The following COL18A1 variants were observed in gnomAD, a reference collection of about 807,000 sequenced individuals.
The protein encoded by COL18A1 is collagen alpha-1(XVIII) chain.
In COL18A1, 133 loss-of-function variants were observed where a neutral mutation model predicts 168.0. The observed-to-expected ratio is 0.79, with a 90% CI of 0.69 to 0.91. COL18A1 has a LOEUF of 0.91. Among genes scored for constraint, COL18A1 ranks in the 40% least tolerant of loss-of-function variants. COL18A1 has a pLI of 0.00. For synonymous variants in COL18A1, 949 were observed against 809.0 expected, an observed-to-expected ratio of 1.17 and a Z score of -2.94; for missense variants, 2,126 against 1,925.4, an observed-to-expected ratio of 1.10 and a Z score of -1.95.
intron 2 of COL18A1, among the ~76,000 whole-genome samples, chr21:45,416,518 T>A (rs1225479266): frequency 6.6e-6 from 1 of 152,146 alleles, no homozygotes; most frequent in Non-Finnish European, 1.5e-5. Context: ...CTGAGGACAG[T>A]GTGCTCTCCT....
intron 2 of COL18A1, chr21:45,421,725 C>A: frequency 7.1e-6 from 3 of 420,472 alleles, no homozygotes. Context: ...GCACAGAGAC[C>A]CTCATTCCTG....
intron 2 of COL18A1, among the ~76,000 whole-genome samples, chr21:45,416,221 G>A (rs1296619823): frequency 6.6e-6 from 1 of 152,178 alleles, no homozygotes; most frequent in Non-Finnish European, 1.5e-5. Context: ...GACCTTCTCT[G>A]AGGTCCATCT....
In COL18A1 at chr21:45,487,089, T is replaced by C. The variant is rs534450547; in HGVS notation, c.1833+97T>C. On this transcript the variant is annotated intron_variant, in intron 16 of 41. Coordinates refer to ENST00000651438, the MANE Select transcript of COL18A1 (RefSeq NM_001379500.1). ...ATCTCACTCACAGAGCAGCACGTCCTGGGCGGTGGCCTTGCTGGCACTGCC... is the reference window on the plus strand; with the variant it reads ...ATCTCACTCACAGAGCAGCACGTCCCGGGCGGTGGCCTTGCTGGCACTGCC... The C allele has an allele frequency of 4.2e-4, 515 of 1,235,410 alleles. 1 individual carries two copies. In the African/African-American group the frequency reaches 7.0e-3, roughly 17 times the overall value. The allele number at this position is 1,235,410 out of a possible 1,614,324, so 76.5% of individuals were successfully genotyped here.
chr21:45,512,082 T>G (rs912885661), intron 41 of COL18A1, 106 bp from the exon 42 acceptor site: 111 of 1,250,732 alleles, frequency 8.9e-5, no homozygotes, highest in Non-Finnish European at 1.2e-4. Flanking sequence ...AGCCCCCTGG[T>G]AACCCCAGGG....
At chr21:45,452,588 TGTG>T (rs986803835) in intron 2 of COL18A1, among the ~76,000 whole-genome samples, 10 of 151,278 alleles carry the variant, frequency 6.6e-5, no homozygotes, top group African/African-American at 1.5e-4. Context: ...TGTATGTACA[TGTG>T]GGGGCTTGTG....
chr21:45,464,559 G>C (rs963634092), intron 2 of COL18A1, among the ~76,000 whole-genome samples: 3 of 152,188 alleles, frequency 2.0e-5, no homozygotes, highest in African/African-American at 7.2e-5. Flanking sequence ...AACCAACACA[G>C]CTGTCTTACC....
Position 45,473,803 on chromosome 21 carries a change from G to A in COL18A1, c.652-92G>A. ...CCTCTCCGAGACTCTCCTGCCCTTT[G>A]TGGGCCCCCCGAAATCTGGAGCTCA... is the stretch of plus-strand genomic sequence containing the variant. On this transcript the variant is annotated intron_variant, in intron 3 of 41. Transcript: ENST00000651438. The surrounding 1 kb of genome is among the most constrained non-coding windows in gnomAD (Gnocchi z 4.0). 9.3e-7 allele frequency: 1 copy of A among 1,080,246 alleles called. No individual in the cohort carries two copies. The highest frequency in any genetic ancestry group is 1.4e-6 in the Non-Finnish European group (1 of 723,800). The allele number at this position is 1,080,246 out of a possible 1,614,324, so 66.9% of individuals were successfully genotyped here.
chr21:45,473,766 C>G lies in COL18A1; in HGVS notation c.652-129C>G, dbSNP rs1449096475. On this transcript the variant is annotated intron_variant, in intron 3 of 41. Transcript: ENST00000651438. The surrounding 1 kb of genome is among the most constrained non-coding windows in gnomAD (Gnocchi z 4.0). ...ATACCGCACCCCCAGGGAGGCTGCC[C>G]GAGACCCCTTCCCTCTCCGAGACTC... 5 of 793,192 alleles carry G rather than the reference C, an allele frequency of 6.3e-6. No individual in the cohort carries two copies. Among genetic ancestry groups the G allele is most frequent in the Middle Eastern group, 3.4e-4 (1 of 2,944 alleles). 49.1% of individuals were successfully genotyped at this position (793,192 alleles called of 1,614,324 possible).
rs541536636 is a variant in COL18A1, at chr21:45,491,123, C to G, written c.2068-102C>G. On this transcript the variant is annotated intron_variant, in intron 21 of 41. Transcript: ENST00000651438. ...GTCCACAGCCCCGGGCGCCTCCTCA[C>G]CCACCGTGGGCTCTGGGCACCCCCT... The G allele has an allele frequency of 2.8e-4, 304 of 1,094,814 alleles. 2 individuals are homozygous for G. The African/African-American group carries it at 3.9e-3, about 14-fold the overall frequency. 67.8% of individuals were successfully genotyped at this position (1,094,814 alleles called of 1,614,324 possible). A position where few individuals can be genotyped will look rare whatever the true frequency, so the allele number is the denominator to read the frequency against.
intron 2 of COL18A1, among the ~76,000 whole-genome samples, chr21:45,436,020 G>A (rs901440771): frequency 6.6e-6 from 1 of 152,200 alleles, no homozygotes; most frequent in Non-Finnish European, 1.5e-5. Context: ...CACTGCAGTC[G>A]GCAAGGGGGA....
chr21:45,489,462 C>G, intron 18 of COL18A1, 24 bp from the exon 19 acceptor site: 1 of 1,579,412 alleles, frequency 6.3e-7, no homozygotes, highest in Non-Finnish European at 8.6e-7. Flanking sequence ...AGCAGGTGCT[C>G]ACGGAGCCCC....
Position 45,509,389 on chromosome 21 carries a change from GT to G in COL18A1, c.3284del (p.Val1095GlyfsTer156). ...NEVAALQPPVVQLHDSNPYPR... is the reference protein window; with the variant it reads ...NEVAALQPPVXQLHDSNPYPR... ...AGTGGCCGCCTTGCAGCCCCCCGTG[GT>G]GCAGCTGCACGACAGCAACCCCTAC... On this transcript the variant is annotated frameshift_variant, in exon 39 of 42. Transcript: ENST00000651438. LOFTEE classifies it high-confidence loss of function. 1 of 1,543,426 alleles carries G rather than the reference GT, an allele frequency of 6.5e-7. No homozygotes were observed. Among genetic ancestry groups the G allele is most frequent in the Non-Finnish European group, 8.7e-7 (1 of 1,145,022 alleles).
chr21:45,455,451 A>C, intron 2 of COL18A1: 1 of 1,586,986 alleles, frequency 6.3e-7, no homozygotes, highest in Non-Finnish European at 8.6e-7. Context: ...AGGGGAGGGC[A>C]GGAGGGCGTG....
intron 41 of COL18A1, 58 bp from the exon 42 acceptor site, chr21:45,512,130 G>A (rs2037647101): frequency 2.6e-6 from 4 of 1,545,216 alleles, no homozygotes; most frequent in Non-Finnish European, 3.5e-6. Context: ...CCGGGGAGCG[G>A]CCTCTGCCCT....
At chr21:45,460,315 C>A (rs1263291558) in intron 2 of COL18A1, among the ~76,000 whole-genome samples, 1 of 152,202 alleles carries the variant, frequency 6.6e-6, no homozygotes, top group Non-Finnish European at 1.5e-5. Context: ...TGGGGCGCAA[C>A]TGGGCACAGC....
At chr21:45,477,679 G>T (rs544542185) in intron 7 of COL18A1, 71 bp from the exon 8 acceptor site, 5 of 1,401,268 alleles carry the variant, frequency 3.6e-6, no homozygotes, top group Non-Finnish European at 4.8e-6. Flanking sequence ...TCTGGAGGGC[G>T]CAGCGGGACA....
Position 45,480,165 on chromosome 21 carries a change from C to T in COL18A1, c.1398+9C>T, listed in dbSNP as rs768389590. The T allele has an allele frequency of 1.6e-5, 24 of 1,513,816 alleles. No homozygotes were observed. Among genetic ancestry groups the T allele is most frequent in the African/African-American group, 4.1e-5 (3 of 72,624 alleles). The allele number at this position is 1,513,816 out of a possible 1,614,324, so 93.8% of individuals were successfully genotyped here. A position where few individuals can be genotyped will look rare whatever the true frequency, so the allele number is the denominator to read the frequency against. ...TCAGACACGACAAGCTGGTAAGTCC[C>T]GCCCTTGGCTTCCTGCGACCCGGGG... is the stretch of plus-strand genomic sequence containing the variant. On this transcript the variant is annotated intron_variant, in intron 11 of 41. Transcript: ENST00000651438.
chr21:45,468,579 C>T lies in COL18A1; in HGVS notation c.444C>T (p.His148=), dbSNP rs1201569574. The T allele has an allele frequency of 1.9e-6, 3 of 1,613,714 alleles. No homozygotes were observed. The highest frequency in any genetic ancestry group is 1.7e-5 in the Admixed American group (1 of 60,034). Residue 148 remains histidine (H), a synonymous_variant, in exon 3 of 42, where the codon CAC becomes CAT. Coordinates refer to ENST00000651438, the MANE Select transcript of COL18A1 (RefSeq NM_001379500.1). ...LYTEPGAGQT[H]TAASFRLPAF... ...CAGAACCAGGTGCAGGCCAGACCCA[C>T]ACAGCCGCCAGCTTCCGGCTCCCCG... is the stretch of plus-strand genomic sequence containing the variant.
intron 21 of COL18A1, 57 bp downstream of exon 21, chr21:45,490,928 G>A (rs1194660491): frequency 6.6e-7 from 1 of 1,513,606 alleles, no homozygotes. Context: ...ATCCCAGAAG[G>A]TTTGGCCTCA....
Sources: allele counts gnomAD v4.1 joint callset (sites outside exome capture counted in the v4.1 genomes callset), GRCh38; gene constraint gnomAD v4.1.1; non-coding constraint Gnocchi (gnomAD v3.1); transcripts MANE v1.5; gene names NCBI Gene and HGNC (gene_info 2026-07-23, HGNC 2026-07-21).